DYNLT2: variants seen among roughly 807,000 people sequenced by gnomAD.
The protein encoded by DYNLT2 is dynein light chain Tctex-type protein 2.
Under a neutral mutation model 24.3 loss-of-function variants are expected in DYNLT2, and 24 were observed. That is an observed-to-expected ratio of 0.99 (90% CI 0.71 to 1.39). The LOEUF is 1.39. Among genes scored for constraint, DYNLT2 ranks in the 40% most tolerant of loss-of-function variants. The pLI is 0.00. For synonymous variants in DYNLT2, 85 were observed against 85.4 expected, an observed-to-expected ratio of 1.00 and a Z score of 0.03; for missense variants, 246 against 234.5, an observed-to-expected ratio of 1.05 and a Z score of -0.32.
chr6:169,741,188 G>A (rs1789671431), intron 3 of DYNLT2, among the ~76,000 whole-genome samples: 1 of 152,142 alleles, frequency 6.6e-6, no homozygotes, highest in Non-Finnish European at 1.5e-5. Context: ...TCTTGGCCTT[G>A]TGACTTGCTA....
downstream of DYNLT2, among the ~76,000 whole-genome samples, chr6:169,736,509 G>C (rs1159518843): frequency 6.6e-6 from 1 of 152,144 alleles, no homozygotes; most frequent in Non-Finnish European, 1.5e-5. Context: ...AGCAGGCCTG[G>C]TGGTAACAAA....
intron 3 of DYNLT2, among the ~76,000 whole-genome samples, chr6:169,742,487 C>A (rs1398467323): frequency 6.6e-6 from 1 of 152,088 alleles, no homozygotes; most frequent in Non-Finnish European, 1.5e-5. Flanking sequence ...CTATTAGTGC[C>A]CAAAATAAAT....
At chr6:169,735,237 T>C (rs1789537552), downstream of DYNLT2, among the ~76,000 whole-genome samples, 1 of 152,158 alleles carries the variant, frequency 6.6e-6, no homozygotes, top group Non-Finnish European at 1.5e-5. Context: ...AAAAACCAGC[T>C]CCTGGATTCA....
chr6:169,728,723 T>C, the DYNLT2 span, among the ~76,000 whole-genome samples: 1 of 152,184 alleles, frequency 6.6e-6, no homozygotes, highest in African/African-American at 2.4e-5. Context: ...ACATGGAGAA[T>C]CAGTCTTTAT....
chr6:169,734,714 T>G, the DYNLT2 span, among the ~76,000 whole-genome samples: 1 of 152,196 alleles, frequency 6.6e-6, no homozygotes, highest in Non-Finnish European at 1.5e-5. Flanking sequence ...ATTTTCACAT[T>G]GATGTTCATC....
At chr6:169,744,422 T>A in intron 1 of DYNLT2, 148 bp from the exon 2 acceptor site, 1 of 698,882 alleles carries the variant, frequency 1.4e-6, no homozygotes, top group South Asian at 2.1e-5. Context: ...TACAATAATG[T>A]GGTTGCTAAA....
chr6:169,742,952 T>C, intron 3 of DYNLT2, 128 bp downstream of exon 3: 1 of 734,178 alleles, frequency 1.4e-6, no homozygotes. Flanking sequence ...AACAACATGA[T>C]ACTTTCCTTC....
downstream of DYNLT2, among the ~76,000 whole-genome samples, chr6:169,737,122 G>A (rs1315412586): frequency 6.6e-6 from 1 of 152,072 alleles, no homozygotes; most frequent in South Asian, 2.1e-4. Context: ...TGATACTTGT[G>A]TATGCTTCAC....
intron 1 of DYNLT2, among the ~76,000 whole-genome samples, chr6:169,746,657 CTG>C (rs1165008813): frequency 2.6e-5 from 4 of 152,060 alleles, no homozygotes; most frequent in Non-Finnish European, 5.9e-5. Flanking sequence ...GCTGCTCACT[CTG>C]TGTGTTTGTT....
Position 169,751,536 on chromosome 6 carries a change from C to G in DYNLT2, c.-78G>C. 3 of 1,610,258 alleles carry G rather than the reference C, an allele frequency of 1.9e-6. No individual in the cohort carries two copies. The highest frequency in any genetic ancestry group is 1.7e-6 in the Non-Finnish European group (2 of 1,178,618). ...AACGCCCTAGCCAGTCCCGCGAGGGCGGAAGTCTCCCACCTGCGCCTCGTA... is the reference window on the plus strand; with the variant it reads ...AACGCCCTAGCCAGTCCCGCGAGGGGGGAAGTCTCCCACCTGCGCCTCGTA... On this transcript the variant is annotated 5_prime_UTR_variant, in exon 1 of 4. Coordinates refer to ENST00000366774, the MANE Select transcript of DYNLT2 (RefSeq NM_174910.3).
intron 1 of DYNLT2, chr6:169,750,661 T>A (rs1789978706): frequency 6.6e-6 from 1 of 152,224 alleles, no homozygotes; most frequent in Non-Finnish European, 1.5e-5. Flanking sequence ...TACAGCTTTG[T>A]ATCCTTGGGC....
chr6:169,741,524 T>C (rs1015412010), intron 3 of DYNLT2, among the ~76,000 whole-genome samples: 4 of 152,184 alleles, frequency 2.6e-5, no homozygotes, highest in African/African-American at 9.7e-5. Flanking sequence ...AGCAAATACA[T>C]GGCTGTTGTT....
At chr6:169,727,646 C>A in the DYNLT2 span, among the ~76,000 whole-genome samples, 1 of 152,048 alleles carries the variant, frequency 6.6e-6, no homozygotes, top group African/African-American at 2.4e-5. Flanking sequence ...TCACTGCAAG[C>A]TCCACCTCCT....
downstream of DYNLT2, chr6:169,740,078 A>G (rs1006205399): frequency 1.4e-5 from 10 of 730,646 alleles, no homozygotes; most frequent in Admixed American, 1.2e-4. Flanking sequence ...GCCTCAAATG[A>G]GAATAAGAAT....
At chr6:169,750,476 G>A (rs1021701302) in intron 1 of DYNLT2, 4 of 152,144 alleles carry the variant, frequency 2.6e-5, no homozygotes, top group African/African-American at 9.7e-5. Context: ...CCATTATTTT[G>A]AGAATTCTCT....
chr6:169,751,391 G>C lies in DYNLT2; in HGVS notation c.68C>G (p.Ala23Gly). 6.2e-7 allele frequency: 1 copy of C among 1,614,174 alleles called. No homozygotes were observed. Among genetic ancestry groups the C allele is most frequent in the Non-Finnish European group, 8.5e-7 (1 of 1,180,018 alleles). ...CCTTTCTTTCCTAGGCGTCACCGGA[G>C]CCTGCTGAGGGGTCTGGTTCGGGGT... is the stretch of plus-strand genomic sequence containing the variant. The part of the protein sequence containing the change: ...IQTPNQTPQQ[A>G]PVTPRKERRP... The change falls in exon 1 of 4, where the codon GCT (alanine) becomes GGT (glycine). Residue 23 changes from alanine (A) to glycine (G), a missense_variant. By Grantham distance (60) the Ala-to-Gly change is moderately conservative. Transcript: ENST00000366774.
downstream of DYNLT2, among the ~76,000 whole-genome samples, chr6:169,737,649 A>G (rs1207365354): frequency 6.6e-6 from 1 of 152,096 alleles, no homozygotes; most frequent in Non-Finnish European, 1.5e-5. Flanking sequence ...GATGTCACTC[A>G]AGGAAGCTGG....
chr6:169,742,638 G>C (rs1300983995), intron 3 of DYNLT2, among the ~76,000 whole-genome samples: 1 of 151,584 alleles, frequency 6.6e-6, no homozygotes, highest in Non-Finnish European at 1.5e-5. Flanking sequence ...TGAGTCTGTT[G>C]CCCAGGCTGG....
At chr6:169,728,512 C>A in the DYNLT2 span, among the ~76,000 whole-genome samples, 1 of 152,140 alleles carries the variant, frequency 6.6e-6, no homozygotes, top group Non-Finnish European at 1.5e-5. Context: ...CATGGTAGAA[C>A]ATGACTAGAA....
Sources: allele counts gnomAD v4.1 joint callset (sites outside exome capture counted in the v4.1 genomes callset), GRCh38; gene constraint gnomAD v4.1.1; transcripts MANE v1.5; gene names NCBI Gene and HGNC (gene_info 2026-07-23, HGNC 2026-07-21).